Variants in MLLT1 observed in about 807,000 individuals in gnomAD.
MLLT1 encodes the protein MLLT1 super elongation complex subunit, also known as protein ENL.
In MLLT1, 11 loss-of-function variants were observed where a neutral mutation model predicts 55.1. The ratio of observed to expected loss-of-function variants is 0.20; its 90% confidence interval spans 0.13 to 0.33. The LOEUF (loss-of-function observed/expected upper bound fraction) is 0.33. MLLT1 is among the 10% of genes least tolerant of loss of function. The probability of loss-of-function intolerance (pLI) is 1.00; values close to 1 mark genes in which losing one functional copy is unlikely to be tolerated. For missense variants in MLLT1, 536 were observed against 760.6 expected (o/e 0.70, Z 3.47); for synonymous variants, 323 against 320.1 (o/e 1.01, Z -0.10).
In MLLT1 at chr19:6,230,084, C is replaced by G. The variant is rs909524235; in HGVS notation, c.420+486G>C. Among the ~76,000 whole-genome samples, 1 of 152,170 alleles carries G rather than the reference C, an allele frequency of 6.6e-6. No homozygotes were observed. The highest frequency in any genetic ancestry group is 1.5e-5 in the Non-Finnish European group (1 of 68,032). On this transcript the variant is annotated intron_variant, in intron 4 of 11. Transcript: ENST00000252674. This position sits in a 1 kb window ranked among gnomAD's most constrained non-coding sequence, Gnocchi z 9.0. ...GCCCTCGTGGGGAACTCTGAGCCCCCACAGGGTCCGGAGGGCTCGACTCCA... is the reference window on the plus strand; with the variant it reads ...GCCCTCGTGGGGAACTCTGAGCCCCGACAGGGTCCGGAGGGCTCGACTCCA...
Position 6,235,846 on chromosome 19 carries a change from C to T in MLLT1, c.277-5133G>A, listed in dbSNP as rs1465483640. 6.6e-6 allele frequency among the ~76,000 whole-genome samples: 1 copy of T among 152,176 alleles called. No homozygotes were observed. Among genetic ancestry groups the T allele is most frequent in the Non-Finnish European group, 1.5e-5 (1 of 68,034 alleles). ...GAGGGACATGCTGCCTTCTTCCACG[C>T]CTCCTCCACCCAGCTCACCCCTTCC... is the stretch of plus-strand genomic sequence containing the variant. On this transcript the variant is annotated intron_variant, in intron 3 of 11. Transcript: ENST00000252674. The surrounding 1 kb of genome is among the most constrained non-coding windows in gnomAD (Gnocchi z 5.5).
At position 6,256,502 on chromosome 19, in the gene MLLT1, C is replaced by G. The variant is rs2091257990; in HGVS notation, c.276+5726G>C. Among the ~76,000 whole-genome samples, 1 of 151,858 alleles carries G rather than the reference C, an allele frequency of 6.6e-6. No individual in the cohort carries two copies. The highest frequency in any genetic ancestry group is 1.5e-5 in the Non-Finnish European group (1 of 68,010). On this transcript the variant is annotated intron_variant, in intron 3 of 11. Transcript: ENST00000252674. The surrounding 1 kb of genome is among the most constrained non-coding windows in gnomAD (Gnocchi z 4.1). Reference sequence around the variant, plus strand: ...GGGCACGGTGGCTCACGCCTGTAATCTCAGCACTTTGGGAGGCCGAGGTGG... The same window carrying G: ...GGGCACGGTGGCTCACGCCTGTAATGTCAGCACTTTGGGAGGCCGAGGTGG...
Position 6,256,120 on chromosome 19 carries a change from G to A in MLLT1, c.276+6108C>T, listed in dbSNP as rs752412045. Among the ~76,000 whole-genome samples, 3 of 152,140 alleles carry A rather than the reference G, an allele frequency of 2.0e-5. No homozygotes were observed. Among genetic ancestry groups the A allele is most frequent in the Non-Finnish European group, 2.9e-5 (2 of 68,032 alleles). On this transcript the variant is annotated intron_variant, in intron 3 of 11. Transcript: ENST00000252674. The surrounding 1 kb of genome is among the most constrained non-coding windows in gnomAD (Gnocchi z 4.1). ...TAATCCCAGCTATTCAGGAGGCTGAGGCAGGAGAATCGCTTGAACCTGGGA... is the reference window on the plus strand; with the variant it reads ...TAATCCCAGCTATTCAGGAGGCTGAAGCAGGAGAATCGCTTGAACCTGGGA...
At chr19:6,233,965 C>T (rs901221258) in intron 3 of MLLT1, among the ~76,000 whole-genome samples, 3 of 152,112 alleles carry the variant, frequency 2.0e-5, no homozygotes, top group Admixed American at 1.3e-4. Context: ...TGTCTTCCCC[C>T]GAGGTACGCA....
At chr19:6,243,477 G>C (rs538183820) in intron 3 of MLLT1, among the ~76,000 whole-genome samples, 2 of 152,320 alleles carry the variant, frequency 1.3e-5, no homozygotes, top group South Asian at 4.1e-4. Flanking sequence ...AACATCATGG[G>C]ACAGGCGTGG....
chr19:6,238,069 C>A (rs1011462463), intron 3 of MLLT1, among the ~76,000 whole-genome samples: 8 of 152,232 alleles, frequency 5.3e-5, no homozygotes, highest in Admixed American at 5.2e-4. Context: ...CAGGCCACTG[C>A]ATGCAACCTA....
chr19:6,262,307 C>T lies in MLLT1; in HGVS notation c.197G>A (p.Cys66Tyr). The T allele has an allele frequency of 6.2e-7, 1 of 1,613,420 alleles. No homozygotes were observed. Among genetic ancestry groups the T allele is most frequent in the Non-Finnish European group, 8.5e-7 (1 of 1,179,712 alleles). Reference sequence around the variant, plus strand: ...CTCTACTTTGTAGGGGGGCTCCTTGCACACTAAAAAGAAAAGGAAGAAACA... The same window carrying T: ...CTCTACTTTGTAGGGGGGCTCCTTGTACACTAAAAAGAAAAGGAAGAAACA... ...HDSFPKPRRV[C>Y]KEPPYKVEES... The change falls in exon 3 of 12, where the codon TGC becomes TAC. Residue 66 changes from cysteine (C) to tyrosine (Y), a missense_variant. Physicochemically the swap from Cys to Tyr is radical, Grantham distance 194. Around this residue, in one of 3 missense-constraint regions of MLLT1, gnomAD observed 62 missense variants for 195.8 expected, o/e 0.32. Transcript: ENST00000252674. This position sits in a 1 kb window ranked among gnomAD's most constrained non-coding sequence, Gnocchi z 4.4.
chr19:6,222,036 C>T lies in MLLT1; in HGVS notation c.1110+85G>A, dbSNP rs1410903340. 2 of 1,224,822 alleles carry T rather than the reference C, an allele frequency of 1.6e-6. No individual in the cohort carries two copies. Among genetic ancestry groups the T allele is most frequent in the Admixed American group, 3.3e-5 (1 of 30,736 alleles). 75.9% of individuals were successfully genotyped at this position (1,224,822 alleles called of 1,614,324 possible). On this transcript the variant is annotated intron_variant, in intron 6 of 11. Transcript: ENST00000252674. The surrounding 1 kb of genome is among the most constrained non-coding windows in gnomAD (Gnocchi z 4.1). ...TGAGACCTGAGGTCCTGGCTCAGATCCCACCTCCTTCCGCTGTTCCAGAAG... is the reference window on the plus strand; with the variant it reads ...TGAGACCTGAGGTCCTGGCTCAGATTCCACCTCCTTCCGCTGTTCCAGAAG...
chr19:6,248,366 C>A (rs1199761989), intron 3 of MLLT1, among the ~76,000 whole-genome samples: 2 of 152,192 alleles, frequency 1.3e-5, no homozygotes, highest in Non-Finnish European at 2.9e-5. Flanking sequence ...GGGTTAATTC[C>A]TCTCCCTTGA....
intron 2 of MLLT1, among the ~76,000 whole-genome samples, chr19:6,263,807 G>A (rs971392136): frequency 2.6e-5 from 4 of 152,204 alleles, no homozygotes; most frequent in South Asian, 2.1e-4. Flanking sequence ...AGGAGGCGAC[G>A]GCTCAGAGTC....
chr19:6,222,762 CT>C lies in MLLT1; in HGVS notation c.547-79del, dbSNP rs747741220. ...TGCGGGGCGCCCTGCTCCGCCACCC[CT>C]GACCCCTACAAAGCATAATCCACCT... On this transcript the variant is annotated intron_variant, in intron 5 of 11. Transcript: ENST00000252674. This position sits in a 1 kb window ranked among gnomAD's most constrained non-coding sequence, Gnocchi z 4.1. The C allele has an allele frequency of 2.5e-5, 31 of 1,234,026 alleles. No homozygotes were observed. Among genetic ancestry groups the C allele is most frequent in the Non-Finnish European group, 3.1e-5 (28 of 910,554 alleles). The allele number at this position is 1,234,026 out of a possible 1,614,324, so 76.4% of individuals were successfully genotyped here. A position where few individuals can be genotyped will look rare whatever the true frequency, so the allele number is the denominator to read the frequency against.
chr19:6,246,228 G>T (rs915961218), intron 3 of MLLT1, among the ~76,000 whole-genome samples: 1 of 151,992 alleles, frequency 6.6e-6, no homozygotes, highest in Admixed American at 6.6e-5. Context: ...GAAAACCACT[G>T]GGCAGTTTCT....
chr19:6,262,061 G>A lies in MLLT1; in HGVS notation c.276+167C>T, dbSNP rs1028155794. ...TGAAACCAGCCGTGTCCTGGCCCCC[G>A]ACGTCCCCAGGAATGGAGATGGTGA... On this transcript the variant is annotated intron_variant, in intron 3 of 11. Coordinates refer to ENST00000252674, the MANE Select transcript of MLLT1 (RefSeq NM_005934.4). This position sits in a 1 kb window ranked among gnomAD's most constrained non-coding sequence, Gnocchi z 4.4. Among the ~76,000 whole-genome samples, 11 of 152,094 alleles carry A rather than the reference G, an allele frequency of 7.2e-5. No individual in the cohort carries two copies. The highest frequency in any genetic ancestry group is 1.9e-4 in the African/African-American group (8 of 41,400).
Position 6,226,864 on chromosome 19 carries a change from A to C in MLLT1, c.546+113T>G, listed in dbSNP as rs1482169261. 103 of 815,626 alleles carry C rather than the reference A, an allele frequency of 1.3e-4. No individual in the cohort carries two copies. The highest frequency in any genetic ancestry group is 1.7e-4 in the Non-Finnish European group (96 of 558,766). 50.5% of individuals were successfully genotyped at this position (815,626 alleles called of 1,614,324 possible). ...AGAGAGCTCAAAGAGGAAGACGCCA[A>C]GGGAGCGAGCAGGTGCGGAAGGCCC... On this transcript the variant is annotated intron_variant, in intron 5 of 11. Coordinates refer to ENST00000252674, the MANE Select transcript of MLLT1 (RefSeq NM_005934.4). This position sits in a 1 kb window ranked among gnomAD's most constrained non-coding sequence, Gnocchi z 6.3.
intron 3 of MLLT1, among the ~76,000 whole-genome samples, chr19:6,246,505 T>A (rs1184092613): frequency 6.6e-6 from 1 of 152,060 alleles, no homozygotes; most frequent in East Asian, 1.9e-4. Context: ...CAAATCTAAG[T>A]GCGCTTTGCT....
At chr19:6,259,735 C>G (rs1168996405) in intron 3 of MLLT1, 1 of 148,342 alleles carries the variant, frequency 6.7e-6, no homozygotes, top group Non-Finnish European at 1.5e-5. Context: ...TGGCAGAACT[C>G]CGGGCCCAGC....
At chr19:6,246,707 C>G (rs1281393175) in intron 3 of MLLT1, among the ~76,000 whole-genome samples, 3 of 152,168 alleles carry the variant, frequency 2.0e-5, no homozygotes, top group African/African-American at 7.2e-5. Flanking sequence ...ATACACGACT[C>G]TCTGCATGTT....
rs2144834081 is a variant in MLLT1, at chr19:6,211,329, G to A, written c.*1713C>T. 8.6e-6 allele frequency: 2 copies of A among 232,872 alleles called. No individual in the cohort carries two copies. Among genetic ancestry groups the A allele is most frequent in the East Asian group, 1.2e-4 (2 of 16,436 alleles). The allele number at this position is 232,872 out of a possible 1,614,324, so 14.4% of individuals were successfully genotyped here. ...GCAGTGGGGCCGGGAGAGAAACAGAGCAGGTGGCGAGGAGTCCCGGAGGCT... is the reference window on the plus strand; with the variant it reads ...GCAGTGGGGCCGGGAGAGAAACAGAACAGGTGGCGAGGAGTCCCGGAGGCT... On this transcript the variant is annotated 3_prime_UTR_variant, in exon 12 of 12. Transcript: ENST00000252674. The surrounding 1 kb of genome is among the most constrained non-coding windows in gnomAD (Gnocchi z 4.6).
rs750613883 is a variant in MLLT1 at position 6,211,623 on chromosome 19, A to T, written c.*1419T>A. 8.4e-5 allele frequency: 89 copies of T among 1,064,764 alleles called. No individual in the cohort carries two copies. Among genetic ancestry groups the T allele is most frequent in the Non-Finnish European group, 1.0e-4 (88 of 878,968 alleles). The allele number at this position is 1,064,764 out of a possible 1,614,324, so 66.0% of individuals were successfully genotyped here. A position where few individuals can be genotyped will look rare whatever the true frequency, so the allele number is the denominator to read the frequency against. ...CCAGGCCCTCAGCCCTCTTTTCCTC[A>T]TAACTTGGTCAGGGCACAAGGACTT... is the stretch of plus-strand genomic sequence containing the variant. On this transcript the variant is annotated 3_prime_UTR_variant, in exon 12 of 12. Coordinates refer to ENST00000252674, the MANE Select transcript of MLLT1 (RefSeq NM_005934.4). The surrounding 1 kb of genome is among the most constrained non-coding windows in gnomAD (Gnocchi z 4.6).
Sources: gnomAD v4.1 joint callset for allele counts (sites outside exome capture counted in the v4.1 genomes callset) on GRCh38, gnomAD v4.1.1 for gene constraint, gnomAD v4.1.1 regional missense constraint, Gnocchi (gnomAD v3.1) non-coding constraint, MANE v1.5 for transcripts, NCBI Gene and HGNC (gene_info 2026-07-23, HGNC 2026-07-21) for gene names.